CWC22: variants seen among roughly 807,000 people sequenced by gnomAD.
CWC22 encodes pre-mRNA-splicing factor CWC22 homolog.
In CWC22, 53 loss-of-function variants were observed where a neutral mutation model predicts 117.2. The ratio of observed to expected loss-of-function variants is 0.45; its 90% CI spans 0.36 to 0.57. The LOEUF is 0.57. CWC22 is among the 20% of genes least tolerant of loss of function. The pLI, the probability that CWC22 is intolerant of heterozygous loss-of-function variation, is 0.00. For missense variants in CWC22, 980 were observed against 1,068.8 expected, an observed-to-expected ratio of 0.92 and a Z score of 1.16; for synonymous variants, 360 against 355.6, an observed-to-expected ratio of 1.01 and a Z score of -0.14.
chr2:179,969,680 C>T (rs1686981623), intron 11 of CWC22, among the ~76,000 whole-genome samples: 1 of 152,172 alleles, frequency 6.6e-6, no homozygotes, highest in African/African-American at 2.4e-5. Flanking sequence ...GCTTTTAATA[C>T]AAACTTTTGG....
intron 6 of CWC22, among the ~76,000 whole-genome samples, chr2:179,977,779 T>C (rs539208313): frequency 6.6e-6 from 1 of 152,348 alleles, no homozygotes; most frequent in South Asian, 2.1e-4. Flanking sequence ...TTAGTCATTC[T>C]ACAAAGTACA....
intron 14 of CWC22, among the ~76,000 whole-genome samples, chr2:179,955,848 T>C (rs1575639542): frequency 6.6e-6 from 1 of 151,942 alleles, no homozygotes; most frequent in Non-Finnish European, 1.5e-5. Flanking sequence ...GTATTGATTA[T>C]AGCAATGTCA....
chr2:179,986,251 T>C (rs1032283088), intron 4 of CWC22, among the ~76,000 whole-genome samples: 3 of 152,148 alleles, frequency 2.0e-5, no homozygotes, highest in African/African-American at 7.2e-5. Context: ...AATTGGAAAC[T>C]TAAGTCTCAA....
intron 19 of CWC22, among the ~76,000 whole-genome samples, chr2:179,948,418 G>A (rs1686363247): frequency 6.6e-6 from 1 of 151,886 alleles, no homozygotes; most frequent in Non-Finnish European, 1.5e-5. Flanking sequence ...ATCCAAAGAT[G>A]GATGTTAAAA....
intron 6 of CWC22, among the ~76,000 whole-genome samples, chr2:179,976,146 T>C (rs769489169): frequency 1.3e-5 from 2 of 151,912 alleles, no homozygotes; most frequent in Non-Finnish European, 2.9e-5. Flanking sequence ...GAAGACACAA[T>C]AGGGAAAAGA....
chr2:179,973,332 AT>A (rs1687078311), intron 7 of CWC22, 86 bp from the exon 8 acceptor site: 1 of 883,734 alleles, frequency 1.1e-6, no homozygotes, highest in Middle Eastern at 2.5e-4. Flanking sequence ...AACATCATCT[AT>A]TTAAAACATG....
At chr2:179,986,471 C>A (rs893488500) in intron 4 of CWC22, among the ~76,000 whole-genome samples, 5 of 152,136 alleles carry the variant, frequency 3.3e-5, no homozygotes, top group African/African-American at 1.2e-4. Flanking sequence ...CTAAACTTCT[C>A]TAGACCTCAG....
intron 19 of CWC22, among the ~76,000 whole-genome samples, chr2:179,948,120 A>G (rs1686356045): frequency 6.6e-6 from 1 of 152,370 alleles, no homozygotes; most frequent in African/African-American, 2.4e-5. Flanking sequence ...TAGAAATGCC[A>G]GATACAATTT....
intron 2 of CWC22, 107 bp downstream of exon 2, chr2:179,993,208 T>A (rs1687614368): frequency 1.2e-6 from 1 of 848,778 alleles, no homozygotes; most frequent in African/African-American, 1.7e-5. Context: ...CTAAGTGCCA[T>A]TCTACTGTCT....
chr2:179,985,272 C>T (rs1168652563), intron 4 of CWC22, among the ~76,000 whole-genome samples: 2 of 152,048 alleles, frequency 1.3e-5, no homozygotes, highest in African/African-American at 4.8e-5. Context: ...CACTACTCCT[C>T]TCCTAAGCAA....
In CWC22 at chr2:179,970,973, T is replaced by C; in HGVS notation, c.908A>G (p.Lys303Arg). The change falls in exon 9 of 20, where the codon AAA becomes AGA. Residue 303 changes from lysine to arginine, a missense_variant. By Grantham distance (26) the Lys-to-Arg change is conservative. Coordinates refer to ENST00000410053, the MANE Select transcript of CWC22 (RefSeq NM_020943.3). Reference protein sequence around the residue: ...AIGFLKECGLKLTQVSPRGIN... With the variant: ...AIGFLKECGLRLTQVSPRGIN... Reference sequence around the variant, plus strand: ...TCCTCTTGGTGACACTTGTGTTAATTTGAGGCCACATTCCTTAAGAAAACC... The same window carrying C: ...TCCTCTTGGTGACACTTGTGTTAATCTGAGGCCACATTCCTTAAGAAAACC... 3 of 1,613,074 alleles carry C rather than the reference T, an allele frequency of 1.9e-6. No individual in the cohort carries two copies. The highest frequency in any genetic ancestry group is 2.5e-6 in the Non-Finnish European group (3 of 1,179,390).
rs1331301261 is a variant in CWC22, at chr2:180,007,072, A to G, written c.-319T>C. On this transcript the variant is annotated 5_prime_UTR_variant, in exon 1 of 20. Transcript: ENST00000410053. The stretch of plus-strand genomic sequence containing the variant: ...ACTCCACGGAGTTCGATAATTACCT[A>G]GAGCTCCACCGCGCCGCCATTACAC... 6.6e-6 allele frequency: 1 copy of G among 152,160 alleles called. No individual in the cohort carries two copies. The highest frequency in any genetic ancestry group is 2.1e-4 in the South Asian group (1 of 4,822). 9.4% of individuals were successfully genotyped at this position (152,160 alleles called of 1,614,324 possible). A position where few individuals can be genotyped will look rare whatever the true frequency, so the allele number is the denominator to read the frequency against.
intron 1 of CWC22, 60 bp from the exon 2 acceptor site, chr2:179,993,514 T>C (rs1687623286): frequency 1.8e-6 from 1 of 562,152 alleles, no homozygotes; most frequent in East Asian, 2.9e-5. Context: ...AATGATGATA[T>C]ATTTTTTCTA....
At chr2:179,953,777 C>G (rs1686515436) in intron 16 of CWC22, among the ~76,000 whole-genome samples, 2 of 152,090 alleles carry the variant, frequency 1.3e-5, no homozygotes, top group Non-Finnish European at 2.9e-5. Flanking sequence ...CCTTCTAGAA[C>G]AATCATTTTT....
At position 179,948,856 on chromosome 2, in the gene CWC22, T is replaced by C. The variant is rs185497586; in HGVS notation, c.2140+1656A>G. On this transcript the variant is annotated intron_variant, in intron 19 of 19. Transcript: ENST00000410053. ...AGAAAAACGACATTAGTGGTAAAACTGGTTTTCAAATCACATCTGTAGTCT... is the reference window on the plus strand; with the variant it reads ...AGAAAAACGACATTAGTGGTAAAACCGGTTTTCAAATCACATCTGTAGTCT... Among the ~76,000 whole-genome samples, 319 of 152,326 alleles carry C rather than the reference T, an allele frequency of 2.1e-3. 2 individuals are homozygous for C. Among genetic ancestry groups the C allele is most frequent in the African/African-American group, 7.1e-3 (294 of 41,574 alleles).
Position 179,981,990 on chromosome 2 carries a change from C to A in CWC22, c.214G>T (p.Asp72Tyr). The A allele has an allele frequency of 6.6e-7, 1 of 1,522,184 alleles. No homozygotes were observed. Among genetic ancestry groups the A allele is most frequent in the Non-Finnish European group, 8.9e-7 (1 of 1,122,562 alleles). 94.3% of individuals were successfully genotyped at this position (1,522,184 alleles called of 1,614,324 possible). A position where few individuals can be genotyped will look rare whatever the true frequency, so the allele number is the denominator to read the frequency against. ...TCTCTTTCTCTGCGTTTTTCTCGGT[C>A]CCTGTTTCTGTAATATAAATTTTTT... ...YDSSMESRNRDREKRRERERD... is the reference protein window; with the variant it reads ...YDSSMESRNRYREKRRERERD... Residue 72 changes from aspartate to tyrosine, a missense_variant, in exon 5 of 20, where the codon GAC becomes TAC. Coordinates refer to ENST00000410053, the MANE Select transcript of CWC22 (RefSeq NM_020943.3).
intron 1 of CWC22, among the ~76,000 whole-genome samples, chr2:180,003,814 T>A (rs191594861): frequency 5.8e-4 from 88 of 152,332 alleles, no homozygotes; most frequent in Admixed American, 9.1e-4. Context: ...GGAGTTAATA[T>A]GTCCCAAGGC....
At chr2:179,985,795 G>T (rs1385799740) in intron 4 of CWC22, among the ~76,000 whole-genome samples, 1 of 151,020 alleles carries the variant, frequency 6.6e-6, no homozygotes, top group Non-Finnish European at 1.5e-5. Context: ...TTTATCATAG[G>T]TATGTATGTA....
At chr2:179,950,763 T>C in intron 18 of CWC22, 31 bp from the exon 19 acceptor site, 1 of 1,605,274 alleles carries the variant, frequency 6.2e-7, no homozygotes, top group Non-Finnish European at 8.5e-7. Context: ...TTAGATTCTA[T>C]TTCAAAGACA....
Sources: gnomAD v4.1 joint callset for allele counts (sites outside exome capture counted in the v4.1 genomes callset) on GRCh38, gnomAD v4.1.1 for gene constraint, MANE v1.5 for transcripts, NCBI Gene and HGNC (gene_info 2026-07-23, HGNC 2026-07-21) for gene names.